NME7: variants seen among roughly 807,000 people sequenced by gnomAD.
NME7 encodes the protein nucleoside diphosphate kinase 7.
In NME7, 41 loss-of-function variants were observed where a neutral mutation model predicts 49.1. The observed-to-expected ratio is 0.83, with a 90% CI of 0.65 to 1.08. NME7 has a LOEUF of 1.08. Ranked by LOEUF, NME7 falls within the 50% of genes least tolerant of loss-of-function variation. NME7 has a pLI of 0.00. For synonymous variants in NME7, 139 were observed against 150.6 expected (o/e 0.92, Z 0.56); for missense variants, 423 against 463.4 (o/e 0.91, Z 0.80).
rs547893659 is a variant in NME7, at chr1:169,158,639, A to G, written c.1098+10808T>C. On this transcript the variant is annotated intron_variant, in intron 11 of 11. Coordinates refer to ENST00000367811, the MANE Select transcript of NME7 (RefSeq NM_013330.5). ...AAAACTCTATAGGTGATTTTAATGC[A>G]TGCCATTGATTGGGAACCGCTGCAC... is the stretch of plus-strand genomic sequence containing the variant. Among the ~76,000 whole-genome samples, 233 of 152,296 alleles carry G rather than the reference A, an allele frequency of 1.5e-3. 2 individuals are homozygous for G. The highest frequency in any genetic ancestry group is 5.3e-3 in the African/African-American group (219 of 41,564).
intron 10 of NME7, among the ~76,000 whole-genome samples, chr1:169,210,916 T>C (rs1000095076): frequency 3.9e-5 from 6 of 152,244 alleles, no homozygotes; most frequent in Middle Eastern, 6.8e-3. Context: ...AATAAGACTT[T>C]TAGGTATATT....
intron 10 of NME7, among the ~76,000 whole-genome samples, chr1:169,175,580 A>G (rs1659727371): frequency 6.6e-6 from 1 of 152,132 alleles, no homozygotes; most frequent in Non-Finnish European, 1.5e-5. Flanking sequence ...TCACAACAGC[A>G]ATTTTTCAGC....
At chr1:169,290,898 C>A (rs561153611) in intron 6 of NME7, among the ~76,000 whole-genome samples, 1 of 151,862 alleles carries the variant, frequency 6.6e-6, no homozygotes, top group African/African-American at 2.4e-5. Context: ...TTTATGCAGC[C>A]AACATATGAA....
At chr1:169,335,865 G>T (rs970701480) in intron 1 of NME7, among the ~76,000 whole-genome samples, 1 of 151,306 alleles carries the variant, frequency 6.6e-6, no homozygotes, top group Non-Finnish European at 1.5e-5. Context: ...GCTGCTTCCA[G>T]TAAGGGTGAG....
At chr1:169,169,132 T>G in intron 11 of NME7, 1 of 444,654 alleles carries the variant, frequency 2.2e-6, no homozygotes, top group Non-Finnish European at 4.3e-6. Flanking sequence ...TCTTTCAAAG[T>G]TGCAGTCCAA....
intron 4 of NME7, among the ~76,000 whole-genome samples, chr1:169,304,771 T>C (rs959787304): frequency 6.6e-6 from 1 of 152,194 alleles, no homozygotes; most frequent in African/African-American, 2.4e-5. Flanking sequence ...CAAAGCTCTC[T>C]GATTGCAAAT....
intron 1 of NME7, among the ~76,000 whole-genome samples, chr1:169,348,762 C>T (rs1028799490): frequency 2.0e-5 from 3 of 151,892 alleles, no homozygotes; most frequent in African/African-American, 7.3e-5. Flanking sequence ...TTTTGCAGAG[C>T]CCTAGTCAAG....
rs749735665 is a variant in NME7, at chr1:169,323,166, C to A, written c.229G>T (p.Asp77Tyr). The stretch of plus-strand genomic sequence containing the variant: ...CGAGCTGTATATTGATCCCCATAGT[C>A]AATTAATACCAGTTGTCGAGAAAAG... ...NVFSRQLVLI[D>Y]YGDQYTARQL... The change falls in exon 3 of 12, where the codon GAC (aspartate) becomes TAC (tyrosine). Residue 77 changes from aspartate to tyrosine, a missense_variant. By Grantham distance (160) the Asp-to-Tyr change is radical. Coordinates refer to ENST00000367811, the MANE Select transcript of NME7 (RefSeq NM_013330.5). The A allele has an allele frequency of 1.2e-6, 2 of 1,609,282 alleles. No individual in the cohort carries two copies. Among genetic ancestry groups the A allele is most frequent in the South Asian group, 2.2e-5 (2 of 89,896 alleles).
Position 169,271,499 on chromosome 1 carries a change from C to A in NME7, c.754+15804G>T, listed in dbSNP as rs1480634632. 4.5e-5 allele frequency among the ~76,000 whole-genome samples: 6 copies of A among 133,368 alleles called. 3 individuals carry two copies. Among genetic ancestry groups the A allele is most frequent in the Admixed American group, 1.5e-4 (2 of 13,406 alleles). The allele number at this position is 133,368 out of a possible 152,430, so 87.5% of individuals were successfully genotyped here. On this transcript the variant is annotated intron_variant, in intron 7 of 11. Coordinates refer to ENST00000367811, the MANE Select transcript of NME7 (RefSeq NM_013330.5). ...ACCATTATTATATCATGAACGCTGT[C>A]GTCTCAATCAGACGACTGCATTGAA...
chr1:169,322,781 T>C (rs1238380971), intron 3 of NME7, among the ~76,000 whole-genome samples: 1 of 152,018 alleles, frequency 6.6e-6, no homozygotes, highest in Non-Finnish European at 1.5e-5. Flanking sequence ...GATCATCATT[T>C]GAAAACAGGG....
chr1:169,346,074 C>A (rs1652942835), intron 1 of NME7, among the ~76,000 whole-genome samples: 1 of 152,128 alleles, frequency 6.6e-6, no homozygotes, highest in African/African-American at 2.4e-5. Context: ...ACCTCCACTG[C>A]AAACCCCCTA....
intron 7 of NME7, among the ~76,000 whole-genome samples, chr1:169,244,951 A>T (rs1346856630): frequency 6.6e-6 from 1 of 152,050 alleles, no homozygotes; most frequent in Non-Finnish European, 1.5e-5. Flanking sequence ...CAACATGGAG[A>T]AACCCTATCT....
chr1:169,158,605 T>C (rs1032842494), intron 11 of NME7, among the ~76,000 whole-genome samples: 2 of 152,096 alleles, frequency 1.3e-5, no homozygotes, highest in South Asian at 2.1e-4. Flanking sequence ...TAGGCTTACA[T>C]AGTTAAAAAA....
chr1:169,251,490 G>C (rs1012148991), intron 7 of NME7, among the ~76,000 whole-genome samples: 4 of 150,570 alleles, frequency 2.7e-5, no homozygotes, highest in African/African-American at 9.8e-5. Context: ...TGTTAATATT[G>C]AGATGTGAGG....
intron 7 of NME7, among the ~76,000 whole-genome samples, chr1:169,239,110 T>G (rs1217301695): frequency 6.6e-6 from 1 of 151,930 alleles, no homozygotes; most frequent in East Asian, 1.9e-4. Context: ...AAATGTTGAG[T>G]GAGAAAATAC....
At chr1:169,240,409 T>C (rs574825189) in intron 7 of NME7, among the ~76,000 whole-genome samples, 1 of 152,122 alleles carries the variant, frequency 6.6e-6, no homozygotes, top group African/African-American at 2.4e-5. Flanking sequence ...TTGCCATATG[T>C]TGTTTTGGTT....
intron 7 of NME7, among the ~76,000 whole-genome samples, chr1:169,253,574 C>T (rs1202375523): frequency 6.6e-6 from 1 of 152,162 alleles, no homozygotes; most frequent in Non-Finnish European, 1.5e-5. Flanking sequence ...TGCCTAATTG[C>T]CCGGGCCAGA....
rs929777321 is a variant in NME7, at chr1:169,172,353, T to G, written c.991-2799A>C. On this transcript the variant is annotated intron_variant, in intron 10 of 11. Transcript: ENST00000367811. ...GTGTGTGTGTGTGTGTGTGTGTGTG[T>G]GTATGTGTATGTGTGTACTCTTCCT... Among the ~76,000 whole-genome samples, 4 of 61,576 alleles carry G rather than the reference T, an allele frequency of 6.5e-5. No homozygotes were observed. In the South Asian group the frequency reaches 1.4e-3, roughly 21 times the overall value. 40.4% of individuals were successfully genotyped at this position (61,576 alleles called of 152,430 possible). A position where few individuals can be genotyped will look rare whatever the true frequency, so the allele number is the denominator to read the frequency against.
chr1:169,241,726 T>G (rs968373843), intron 7 of NME7, among the ~76,000 whole-genome samples: 1 of 151,752 alleles, frequency 6.6e-6, no homozygotes, highest in African/African-American at 2.4e-5. Context: ...TTACTCAGAC[T>G]TTAAAAATCA....
Sources: gnomAD v4.1 joint callset for allele counts (sites outside exome capture counted in the v4.1 genomes callset) on GRCh38, gnomAD v4.1.1 for gene constraint, MANE v1.5 for transcripts, NCBI Gene and HGNC (gene_info 2026-07-23, HGNC 2026-07-21) for gene names.